The following NREP variants were observed in gnomAD, a reference collection of about 807,000 sequenced individuals.
The protein encoded by NREP is neuronal regeneration-related protein.
NREP carries 5 observed loss-of-function variants against 8.6 expected under a neutral mutation model. The ratio of observed to expected loss-of-function variants is 0.58; its 90% CI spans 0.30 to 1.22. The LOEUF is 1.22. NREP is among the 50% of genes most tolerant of loss of function. NREP has a pLI of 0.07. For missense variants in NREP, 86 were observed against 82.5 expected, an observed-to-expected ratio of 1.04 and a Z score of -0.17; for synonymous variants, 27 against 28.0, an observed-to-expected ratio of 0.96 and a Z score of 0.11.
chr5:111,812,524 T>A (rs1054483237), intron 2 of NREP, among the ~76,000 whole-genome samples: 28 of 152,166 alleles, frequency 1.8e-4, no homozygotes, highest in African/African-American at 6.8e-4. Context: ...ACAAACAAGA[T>A]TCAGTTCTAC....
At chr5:111,918,151 G>A (rs894561177) in intron 2 of NREP, among the ~76,000 whole-genome samples, 5 of 152,044 alleles carry the variant, frequency 3.3e-5, no homozygotes, top group African/African-American at 4.8e-5. Flanking sequence ...AACTTACAAG[G>A]CATGTGAAGG....
chr5:111,729,817 C>T lies in NREP; in HGVS notation c.*1104G>A, dbSNP rs762530556. 1 of 152,562 alleles carries T rather than the reference C, an allele frequency of 6.6e-6. No homozygotes were observed. The highest frequency in any genetic ancestry group is 6.5e-5 in the Admixed American group (1 of 15,276). 9.5% of individuals were successfully genotyped at this position (152,562 alleles called of 1,614,324 possible). The stretch of plus-strand genomic sequence containing the variant: ...TATCAAAATTGCCGAAAAAAGAATG[C>T]TCTGCCTTTTAAAAAAGTATCATGA... On this transcript the variant is annotated 3_prime_UTR_variant, in exon 4 of 4. Coordinates refer to ENST00000257435, the MANE Select transcript of NREP (RefSeq NM_004772.4).
chr5:111,895,379 C>T (rs1754483331), intron 2 of NREP, among the ~76,000 whole-genome samples: 1 of 152,092 alleles, frequency 6.6e-6, no homozygotes, highest in African/African-American at 2.4e-5. Context: ...ATGCAGCTGA[C>T]AATCCAAGTG....
intron 2 of NREP, among the ~76,000 whole-genome samples, chr5:111,889,026 A>G (rs1262939542): frequency 6.6e-6 from 1 of 152,234 alleles, no homozygotes; most frequent in Non-Finnish European, 1.5e-5. Context: ...CATGTCAGAG[A>G]AATTCTCACT....
chr5:111,843,527 C>T (rs1321817773), intron 2 of NREP, among the ~76,000 whole-genome samples: 1 of 151,966 alleles, frequency 6.6e-6, no homozygotes, highest in Admixed American at 6.6e-5. Context: ...AATTCTTTTT[C>T]AGGCAGTTTG....
At chr5:111,783,822 C>T (rs1437584825) in intron 2 of NREP, among the ~76,000 whole-genome samples, 1 of 152,006 alleles carries the variant, frequency 6.6e-6, no homozygotes, top group Non-Finnish European at 1.5e-5. Context: ...ACCTTTTATC[C>T]CTAAACCTGG....
At chr5:111,976,109 T>C (rs1028452928) in intron 1 of NREP, among the ~76,000 whole-genome samples, 3 of 152,194 alleles carry the variant, frequency 2.0e-5, no homozygotes, top group African/African-American at 7.2e-5. Context: ...TTTTGAGATC[T>C]AACATTTTAT....
At chr5:111,881,683 T>C in intron 2 of NREP, among the ~76,000 whole-genome samples, 1 of 152,150 alleles carries the variant, frequency 6.6e-6, no homozygotes, top group East Asian at 1.9e-4. Context: ...GAAAATCCAC[T>C]GTTCTGCAGC....
intron 2 of NREP, among the ~76,000 whole-genome samples, chr5:111,949,325 G>A (rs1756086867): frequency 6.6e-6 from 1 of 151,528 alleles, no homozygotes; most frequent in Non-Finnish European, 1.5e-5. Context: ...GCAGTCTAGT[G>A]CACAGGAAAA....
chr5:111,788,974 G>A lies in NREP; in HGVS notation c.136-53467C>T, dbSNP rs532770036. ...TTGAACTGGAGCATCAGCTCTTCCC[G>A]CCTGACATGAGCTCTTCGTGGCTCT... On this transcript the variant is annotated intron_variant, in intron 2 of 3. Coordinates refer to the NREP transcript ENST00000395634. Among the ~76,000 whole-genome samples the A allele has an allele frequency of 4.6e-5, 7 of 152,254 alleles. 1 individual carries two copies. The highest frequency in any genetic ancestry group is 1.7e-4 in the African/African-American group (7 of 41,564).
intron 2 of NREP, among the ~76,000 whole-genome samples, chr5:111,882,753 ATACTT>A (rs1253040341): frequency 6.6e-6 from 1 of 152,152 alleles, no homozygotes; most frequent in Non-Finnish European, 1.5e-5. Flanking sequence ...GAGAAATAAA[ATACTT>A]TACAGACAAG....
At chr5:111,888,248 T>A (rs1323450310) in intron 2 of NREP, among the ~76,000 whole-genome samples, 1 of 152,216 alleles carries the variant, frequency 6.6e-6, no homozygotes, top group Admixed American at 6.5e-5. Context: ...TGTGCATTAG[T>A]CTGTTTTCAC....
chr5:111,861,614 T>C (rs1308901814), intron 2 of NREP, among the ~76,000 whole-genome samples: 1 of 152,156 alleles, frequency 6.6e-6, no homozygotes, highest in African/African-American at 2.4e-5. Flanking sequence ...TTCAGAACTA[T>C]GAGAATAGAG....
chr5:111,771,426 TACACAC>T (rs111799670), intron 2 of NREP, among the ~76,000 whole-genome samples: 24,972 of 147,196 alleles, frequency 0.17, 2,728 homozygotes, highest in African/African-American at 0.33. Context: ...CATAGTCTTT[TACACAC>T]ACACACACAC....
rs1414336890 is a variant in NREP at position 111,964,377 on chromosome 5, G to A, written c.135+10897C>T. Among the ~76,000 whole-genome samples, 4 of 152,100 alleles carry A rather than the reference G, an allele frequency of 2.6e-5. No homozygotes were observed. The South Asian group carries it at 6.2e-4, about 24-fold the overall frequency. On this transcript the variant is annotated intron_variant, in intron 2 of 3. Transcript: ENST00000395634. ...TCATGTATTCCACTGTTTTGGGGGG[G>A]TTTTCTTTGAGACAGAGTCTCACTC...
At chr5:111,763,115 T>C (rs1030901459) in intron 2 of NREP, among the ~76,000 whole-genome samples, 2 of 152,238 alleles carry the variant, frequency 1.3e-5, no homozygotes, top group Non-Finnish European at 2.9e-5. Flanking sequence ...TTTACACAGC[T>C]GCTGAAGGCA....
intron 2 of NREP, among the ~76,000 whole-genome samples, chr5:111,959,113 G>A (rs1366897107): frequency 3.3e-5 from 5 of 151,944 alleles, no homozygotes; most frequent in Non-Finnish European, 7.4e-5. Flanking sequence ...AAAAGCATGA[G>A]TTAGGGTGGG....
At chr5:111,839,873 T>C (rs557812312) in intron 2 of NREP, among the ~76,000 whole-genome samples, 32 of 152,188 alleles carry the variant, frequency 2.1e-4, no homozygotes, top group Non-Finnish European at 3.7e-4. Context: ...TGAGACTCTG[T>C]AGAACTGGTA....
chr5:111,908,198 G>A (rs1321777214), intron 2 of NREP, among the ~76,000 whole-genome samples: 1 of 151,842 alleles, frequency 6.6e-6, no homozygotes, highest in African/African-American at 2.4e-5. Flanking sequence ...TATAATGCTG[G>A]ATTCTGCACT....
Sources: gnomAD v4.1 joint callset for allele counts (sites outside exome capture counted in the v4.1 genomes callset) on GRCh38, gnomAD v4.1.1 for gene constraint, MANE v1.5 for transcripts, NCBI Gene and HGNC (gene_info 2026-07-23, HGNC 2026-07-21) for gene names.